Variants in AGBL1 observed in about 807,000 individuals in gnomAD.
The protein encoded by AGBL1 is cytosolic carboxypeptidase 4.
A neutral mutation model predicts 118.9 loss-of-function variants in AGBL1; 130 were observed. The observed-to-expected ratio is 1.09, with a 90% CI of 0.95 to 1.26. The LOEUF (loss-of-function observed/expected upper bound fraction) is 1.26. Among genes scored for constraint, AGBL1 ranks in the 50% most tolerant of loss-of-function variants. The probability of loss-of-function intolerance (pLI) is 0.00; values close to 1 mark genes in which losing one functional copy is unlikely to be tolerated. For missense variants in AGBL1, 1,584 were observed against 1,298.1 expected, an observed-to-expected ratio of 1.22 and a Z score of -3.38; for synonymous variants, 555 against 478.9, an observed-to-expected ratio of 1.16 and a Z score of -2.08.
chr15:86,304,911 C>T (rs1047489380), intron 17 of AGBL1: 5 of 152,204 alleles, frequency 3.3e-5, no homozygotes, highest in South Asian at 2.1e-4. Flanking sequence ...ATCCACACTA[C>T]CTCAAGTGGT....
chr15:86,266,761 G>T (rs2079079618), intron 12 of AGBL1, among the ~76,000 whole-genome samples: 1 of 152,150 alleles, frequency 6.6e-6, no homozygotes, highest in Admixed American at 6.5e-5. Flanking sequence ...AATTAACTGG[G>T]TATGGTGGCG....
At chr15:86,438,676 T>C (rs1053690349) in intron 18 of AGBL1, among the ~76,000 whole-genome samples, 17 of 127,366 alleles carry the variant, frequency 1.3e-4, no homozygotes, top group East Asian at 2.6e-4. Context: ...TTTTTTTTTT[T>C]CTTGAGGTGG....
At chr15:86,750,413 G>A (rs569899934) in intron 22 of AGBL1, among the ~76,000 whole-genome samples, 1 of 150,554 alleles carries the variant, frequency 6.6e-6, no homozygotes, top group Non-Finnish European at 1.5e-5. Flanking sequence ...GGTAATTTCT[G>A]TATAACAATA....
chr15:86,098,934 G>A (rs1406815825), intron 1 of AGBL1, among the ~76,000 whole-genome samples: 3 of 152,086 alleles, frequency 2.0e-5, no homozygotes, highest in Non-Finnish European at 4.4e-5. Flanking sequence ...TAATTCTTCT[G>A]ATCCATGAGC....
intron 22 of AGBL1, among the ~76,000 whole-genome samples, chr15:86,741,539 G>GACAATGTTGAAGTCTTGAACTATAAGACA (rs2077680283): frequency 2.0e-5 from 3 of 151,892 alleles, no homozygotes; most frequent in Non-Finnish European, 4.4e-5. Context: ...TTATGGTGGG[G>GACAATGTTGAAGTCTTGAACTATAAGACA]ACAATGTTGA....
At chr15:86,721,253 A>G (rs2086715606) in intron 22 of AGBL1, among the ~76,000 whole-genome samples, 1 of 152,218 alleles carries the variant, frequency 6.6e-6, no homozygotes, top group Admixed American at 6.5e-5. Context: ...ATCCTCAATA[A>G]AATACTGGCA....
chr15:86,592,184 G>C (rs1002266902), intron 21 of AGBL1, among the ~76,000 whole-genome samples: 2 of 152,146 alleles, frequency 1.3e-5, no homozygotes, highest in Admixed American at 1.3e-4. Context: ...ATTGTAATGA[G>C]TCATTTTCCT....
intron 23 of AGBL1, among the ~76,000 whole-genome samples, chr15:86,925,672 CTTCTT>C (rs1441697655): frequency 4.1e-5 from 6 of 147,744 alleles, no homozygotes; most frequent in Non-Finnish European, 9.0e-5. Flanking sequence ...GGGAGTTTTT[CTTCTT>C]TTCTTCTTTT....
At chr15:86,687,777 T>G (rs2142589271) in intron 22 of AGBL1, among the ~76,000 whole-genome samples, 1 of 152,240 alleles carries the variant, frequency 6.6e-6, no homozygotes, top group African/African-American at 2.4e-5. Context: ...TTTATATAAT[T>G]CTTCACTATG....
intron 22 of AGBL1, among the ~76,000 whole-genome samples, chr15:86,765,582 T>G (rs537194572): frequency 2.6e-5 from 4 of 152,032 alleles, no homozygotes; most frequent in African/African-American, 9.6e-5. Flanking sequence ...GGGACAGCAT[T>G]TACGATTCCC....
chr15:86,308,602 A>G (rs2079875573), intron 17 of AGBL1, among the ~76,000 whole-genome samples: 2 of 152,210 alleles, frequency 1.3e-5, no homozygotes, highest in African/African-American at 2.4e-5. Flanking sequence ...ATTTTTGTAT[A>G]TGGTGTAAGA....
intron 18 of AGBL1, among the ~76,000 whole-genome samples, chr15:86,505,895 A>G (rs1596200089): frequency 6.6e-6 from 1 of 151,946 alleles, no homozygotes; most frequent in East Asian, 1.9e-4. Context: ...ATAATGTTGC[A>G]ATTCTGGAAA....
intron 17 of AGBL1, among the ~76,000 whole-genome samples, chr15:86,358,060 A>C (rs2080749851): frequency 6.6e-6 from 1 of 152,114 alleles, no homozygotes; most frequent in African/African-American, 2.4e-5. Context: ...CTCTTTTAGC[A>C]AATTTCAAGT....
chr15:86,649,298 G>T (rs1272482878), intron 21 of AGBL1, among the ~76,000 whole-genome samples: 1 of 152,168 alleles, frequency 6.6e-6, no homozygotes, highest in Non-Finnish European at 1.5e-5. Flanking sequence ...CTTCAATTTT[G>T]CCAGTGAAAT....
chr15:86,492,224 G>T (rs1199991659), intron 18 of AGBL1, among the ~76,000 whole-genome samples: 2 of 152,152 alleles, frequency 1.3e-5, no homozygotes, highest in African/African-American at 4.8e-5. Flanking sequence ...GGTAGCATCT[G>T]TAAGGTGATT....
chr15:86,609,752 GGAAAAAGATTTGTAAAC>G (rs2084631768), intron 21 of AGBL1, among the ~76,000 whole-genome samples: 1 of 152,038 alleles, frequency 6.6e-6, no homozygotes, highest in Non-Finnish European at 1.5e-5. Context: ...AAGTTAGGGG[GGAAAAAGATTTGTAAAC>G]GACATACTCT....
At position 86,121,465 on chromosome 15, in the gene AGBL1, T is replaced by C. The variant is rs539250517; in HGVS notation, c.52-20539T>C. ...GTCTAAGAGGGACCTTATTTAAGAT[T>C]AGAGTTTCAAACAGTGGTGCTTGCT... On this transcript the variant is annotated intron_variant, in intron 1 of 22. Transcript: ENST00000614907. Among the ~76,000 whole-genome samples the C allele has an allele frequency of 3.7e-4, 56 of 152,308 alleles. 1 individual carries two copies. The highest frequency in any genetic ancestry group is 1.3e-3 in the African/African-American group (55 of 41,562).
chr15:86,107,030 T>C (rs2141522940), intron 1 of AGBL1, among the ~76,000 whole-genome samples: 1 of 152,240 alleles, frequency 6.6e-6, no homozygotes, highest in Admixed American at 6.5e-5. Context: ...GTATTATAAT[T>C]CACAAAGGGG....
intron 21 of AGBL1, among the ~76,000 whole-genome samples, chr15:86,643,267 T>A (rs1041468126): frequency 2.6e-5 from 4 of 152,316 alleles, no homozygotes; most frequent in Non-Finnish European, 5.9e-5. Context: ...TACTTTTTCA[T>A]GTTTATTGAT....
Sources: allele counts gnomAD v4.1 joint callset (sites outside exome capture counted in the v4.1 genomes callset), GRCh38; gene constraint gnomAD v4.1.1; transcripts MANE v1.5; gene names NCBI Gene and HGNC (gene_info 2026-07-23, HGNC 2026-07-21).